Variants in RABGAP1L observed in about 807,000 individuals in gnomAD.
RABGAP1L encodes RAB GTPase activating protein 1 like, also known as rab GTPase-activating protein 1-like.
A neutral mutation model predicts 137.7 loss-of-function variants in RABGAP1L; 63 were observed. That is an observed-to-expected ratio of 0.46 (90% CI 0.37 to 0.56). The LOEUF (loss-of-function observed/expected upper bound fraction) is 0.56, where lower values mean the gene tolerates loss of function less well. RABGAP1L is among the 20% of genes least tolerant of loss of function. The pLI is 0.00. For missense variants in RABGAP1L, 1,095 were observed against 1,244.0 expected (o/e 0.88, Z 1.80); for synonymous variants, 431 against 433.7 (o/e 0.99, Z 0.08).
chr1:174,413,440 C>T lies in RABGAP1L; in HGVS notation c.1710+19295C>T, dbSNP rs149926727. Among the ~76,000 whole-genome samples the T allele has an allele frequency of 3.0e-3, 454 of 152,212 alleles. 2 individuals carry two copies. Among genetic ancestry groups the T allele is most frequent in the African/African-American group, 5.6e-3 (234 of 41,542 alleles). On this transcript the variant is annotated intron_variant, in intron 13 of 25. Transcript: ENST00000681986. ...AATCCATGCTTTGAATTCTTTCTGT[C>T]ATTTATGAGTTTCCATTTTAGTTGG...
At chr1:174,491,641 C>A (rs1660246186) in intron 13 of RABGAP1L, among the ~76,000 whole-genome samples, 1 of 152,150 alleles carries the variant, frequency 6.6e-6, no homozygotes, top group Non-Finnish European at 1.5e-5. Flanking sequence ...ACCAGCCCAG[C>A]ACAAGGACTC....
chr1:174,409,735 G>C (rs1393206067), intron 13 of RABGAP1L, among the ~76,000 whole-genome samples: 1 of 152,092 alleles, frequency 6.6e-6, no homozygotes, highest in Non-Finnish European at 1.5e-5. Flanking sequence ...GGAAGTATCT[G>C]TCTTATGCAG....
chr1:174,643,071 C>T (rs1192418868), intron 14 of RABGAP1L, among the ~76,000 whole-genome samples: 1 of 152,086 alleles, frequency 6.6e-6, no homozygotes, highest in East Asian at 1.9e-4. Flanking sequence ...AGGCGTGAGC[C>T]ACTGTGCCCA....
chr1:174,183,820 G>C (rs890107276), intron 1 of RABGAP1L, among the ~76,000 whole-genome samples: 2 of 150,722 alleles, frequency 1.3e-5, no homozygotes, highest in Non-Finnish European at 2.9e-5. Context: ...GCCTTTTCCA[G>C]AATGTGATAC....
chr1:174,242,113 T>C (rs1671879701), intron 5 of RABGAP1L, among the ~76,000 whole-genome samples: 1 of 152,266 alleles, frequency 6.6e-6, no homozygotes, highest in African/African-American at 2.4e-5. Context: ...CATTGATGAT[T>C]ATTTGTTTTG....
At chr1:174,723,637 C>G (rs1218063923) in intron 17 of RABGAP1L, among the ~76,000 whole-genome samples, 2 of 152,040 alleles carry the variant, frequency 1.3e-5, no homozygotes, top group East Asian at 3.8e-4. Flanking sequence ...CTCCCAATCT[C>G]AAAGCTTCTT....
rs184518178 is a variant in RABGAP1L, at chr1:174,835,287, T to C, written c.2340+23327T>C. On this transcript the variant is annotated intron_variant, in intron 19 of 25. Transcript: ENST00000681986. ...ATTAAGTTTGATAAATAAAGAATGC[T>C]AATGGAGATGGTACCACTGATATAA... Among the ~76,000 whole-genome samples, 573 of 152,300 alleles carry C rather than the reference T, an allele frequency of 3.8e-3. 7 individuals carry two copies. The highest frequency in any genetic ancestry group is 0.022 in the South Asian group (104 of 4,822).
At chr1:174,699,967 T>C (rs1679525563) in intron 16 of RABGAP1L, among the ~76,000 whole-genome samples, 1 of 152,178 alleles carries the variant, frequency 6.6e-6, no homozygotes, top group African/African-American at 2.4e-5. Context: ...AGAGTAAAAA[T>C]TGAAATACCT....
At chr1:174,974,915 G>A (rs1670518285) in intron 21 of RABGAP1L, among the ~76,000 whole-genome samples, 1 of 152,172 alleles carries the variant, frequency 6.6e-6, no homozygotes, top group African/African-American at 2.4e-5. Flanking sequence ...GGCAGAAGAC[G>A]GACAGAAGGC....
chr1:174,588,766 C>G (rs1396445618), intron 13 of RABGAP1L, among the ~76,000 whole-genome samples: 14 of 152,048 alleles, frequency 9.2e-5, no homozygotes, highest in Admixed American at 9.2e-4. Flanking sequence ...TATGTTGTTG[C>G]AAATGACAGA....
intron 13 of RABGAP1L, among the ~76,000 whole-genome samples, chr1:174,542,714 T>G (rs1032008396): frequency 3.9e-5 from 6 of 152,240 alleles, no homozygotes; most frequent in Non-Finnish European, 8.8e-5. Flanking sequence ...CTTTCCTGTT[T>G]ACTCTTGTGG....
In RABGAP1L at chr1:174,849,152, G is replaced by A. The variant is rs1201512566; in HGVS notation, c.2340+37192G>A. Among the ~76,000 whole-genome samples the A allele has an allele frequency of 8.5e-5, 13 of 152,096 alleles. No individual in the cohort carries two copies. The East Asian group carries it at 9.7e-4, about 11-fold the overall frequency. On this transcript the variant is annotated intron_variant, in intron 19 of 25. Coordinates refer to ENST00000681986, the MANE Select transcript of RABGAP1L (RefSeq NM_001366446.1). ...TGGCACTCCCTAGTGAGATGAACCC[G>A]GTACCTCAGATGGAAATGCAGAAAT...
At chr1:174,457,418 T>A (rs1392561712) in intron 13 of RABGAP1L, among the ~76,000 whole-genome samples, 1 of 151,686 alleles carries the variant, frequency 6.6e-6, no homozygotes, top group African/African-American at 2.4e-5. Flanking sequence ...AATATTAACA[T>A]GGGTAGAAGT....
intron 1 of RABGAP1L, among the ~76,000 whole-genome samples, chr1:174,182,807 G>A (rs1666483443): frequency 6.6e-6 from 1 of 152,158 alleles, no homozygotes; most frequent in Non-Finnish European, 1.5e-5. Context: ...GCAAATATGT[G>A]TTGCCCTGAC....
chr1:174,213,877 T>TA (rs1026274179), intron 1 of RABGAP1L, among the ~76,000 whole-genome samples: 2 of 152,338 alleles, frequency 1.3e-5, no homozygotes, highest in Middle Eastern at 3.4e-3. Flanking sequence ...GACCCATTGC[T>TA]AATATCATAC....
chr1:174,177,543 G>A (rs561161294), intron 1 of RABGAP1L, among the ~76,000 whole-genome samples: 1 of 152,304 alleles, frequency 6.6e-6, no homozygotes, highest in East Asian at 1.9e-4. Context: ...TTTTAGTCAT[G>A]AAGTCTTTGC....
At chr1:174,643,250 G>C (rs1260286174) in intron 14 of RABGAP1L, among the ~76,000 whole-genome samples, 1 of 152,144 alleles carries the variant, frequency 6.6e-6, no homozygotes, top group Non-Finnish European at 1.5e-5. Flanking sequence ...ATTTAGTTTG[G>C]AGCAGTGCTT....
intron 13 of RABGAP1L, among the ~76,000 whole-genome samples, chr1:174,561,467 C>G (rs1026776883): frequency 6.6e-6 from 1 of 152,178 alleles, no homozygotes; most frequent in African/African-American, 2.4e-5. Flanking sequence ...TTATCCCCAT[C>G]AAGCTACCAT....
At position 174,634,006 on chromosome 1, in the gene RABGAP1L, A is replaced by G. The variant is rs1366846472; in HGVS notation, c.1711-3369A>G. ...CTTCATGTCCAAAACACCAAAAGCA[A>G]TGGCAACAAAAGACAAAATTGACAA... On this transcript the variant is annotated intron_variant, in intron 13 of 25. Coordinates refer to ENST00000681986, the MANE Select transcript of RABGAP1L (RefSeq NM_001366446.1). 2.8e-5 allele frequency among the ~76,000 whole-genome samples: 3 copies of G among 107,982 alleles called. 1 individual carries two copies. The highest frequency in any genetic ancestry group is 5.5e-5 in the Non-Finnish European group (3 of 54,370). 70.8% of individuals were successfully genotyped at this position (107,982 alleles called of 152,430 possible).
Sources: gnomAD v4.1 joint callset for allele counts (sites outside exome capture counted in the v4.1 genomes callset) on GRCh38, gnomAD v4.1.1 for gene constraint, MANE v1.5 for transcripts, NCBI Gene and HGNC (gene_info 2026-07-23, HGNC 2026-07-21) for gene names.